The following KASH5 variants were observed in gnomAD, a reference collection of about 807,000 sequenced individuals.
The protein encoded by KASH5 is protein KASH5.
Under a neutral mutation model 84.2 loss-of-function variants are expected in KASH5, and 72 were observed. The ratio of observed to expected loss-of-function variants is 0.85; its 90% CI spans 0.71 to 1.04. The LOEUF (loss-of-function observed/expected upper bound fraction) is 1.04. Ranked by LOEUF, KASH5 falls within the 50% of genes least tolerant of loss-of-function variation. The pLI, the probability that KASH5 is intolerant of heterozygous loss-of-function variation, is 0.00. For missense variants in KASH5, 650 were observed against 701.0 expected (o/e 0.93, Z 0.82); for synonymous variants, 260 against 279.1 (o/e 0.93, Z 0.68).
At chr19:49,407,432 G>A (rs754387518) in intron 11 of KASH5, 136 bp downstream of exon 11, 1 of 1,137,420 alleles carries the variant, frequency 8.8e-7, no homozygotes, top group Non-Finnish European at 1.3e-6. Context: ...GTTTCCCCAG[G>A]TCCCAAGTGT....
chr19:49,396,533 C>T (rs1000409938), intron 5 of KASH5, among the ~76,000 whole-genome samples: 1 of 152,162 alleles, frequency 6.6e-6, no homozygotes, highest in African/African-American at 2.4e-5. Flanking sequence ...GGATTACAGG[C>T]GTGAGCCACT....
At chr19:49,415,822 C>T (rs760387331) in intron 17 of KASH5, among the ~76,000 whole-genome samples, 10 of 152,232 alleles carry the variant, frequency 6.6e-5, no homozygotes, top group Non-Finnish European at 1.3e-4. Context: ...CTGCCTGGCA[C>T]AGCAGGTGGT....
At position 49,399,103 on chromosome 19, in the gene KASH5, G is replaced by A; in HGVS notation, c.708G>A (p.Glu236=). ...TGAAGACTCTGGCCAGGAGCCTGGA[G>A]GAACAGAATCGCAGCCTTCTGGCCC... The part of the protein sequence containing the change: ...EDLKTLARSL[E]EQNRSLLAQA... The change falls in exon 8 of 20, where the codon GAG becomes GAA. Residue 236 remains glutamate (E), a synonymous_variant. Transcript: ENST00000447857. The surrounding 1 kb of genome is among the most constrained non-coding windows in gnomAD (Gnocchi z 4.4). The A allele has an allele frequency of 6.4e-7, 1 of 1,551,686 alleles. No individual in the cohort carries two copies. The highest frequency in any genetic ancestry group is 1.2e-5 in the South Asian group (1 of 84,058).
Position 49,395,864 on chromosome 19 carries a change from C to G in KASH5, c.400+31C>G, listed in dbSNP as rs962272640. 1.3e-6 allele frequency: 2 copies of G among 1,536,516 alleles called. No individual in the cohort carries two copies. Among genetic ancestry groups the G allele is most frequent in the African/African-American group, 2.7e-5 (2 of 72,868 alleles). ...ATTGCTATATATAGAATGAAGCAGG[C>G]AGGCCCTGGGTCAGACAGTGTGGGG... On this transcript the variant is annotated intron_variant, in intron 5 of 19. Coordinates refer to ENST00000447857, the MANE Select transcript of KASH5 (RefSeq NM_144688.5). The surrounding 1 kb of genome is among the most constrained non-coding windows in gnomAD (Gnocchi z 4.4).
intron 2 of KASH5, 25 bp from the exon 3 acceptor site, chr19:49,394,451 G>C: frequency 1.3e-6 from 2 of 1,585,386 alleles, no homozygotes; most frequent in Non-Finnish European, 1.7e-6. Context: ...TCCCACTGGT[G>C]AGCTGAGCCC....
rs1284389106 is a variant in KASH5, at chr19:49,409,298, C to T, written c.1146+15C>T. 1 of 1,612,106 alleles carries T rather than the reference C, an allele frequency of 6.2e-7. No homozygotes were observed. Among genetic ancestry groups the T allele is most frequent in the African/African-American group, 1.3e-5 (1 of 74,910 alleles). Reference sequence around the variant, plus strand: ...CCATTCGACAGGTGGGCCTAACACCCCTGGAATAAGCTGCAGGCCACCAAG... The same window carrying T: ...CCATTCGACAGGTGGGCCTAACACCTCTGGAATAAGCTGCAGGCCACCAAG... On this transcript the variant is annotated intron_variant, in intron 14 of 19. Coordinates refer to ENST00000447857, the MANE Select transcript of KASH5 (RefSeq NM_144688.5).
chr19:49,398,967 C>T, intron 7 of KASH5, 58 bp from the exon 8 acceptor site: 1 of 1,314,384 alleles, frequency 7.6e-7, no homozygotes. Context: ...GGATCTGTCT[C>T]TGTGCTTCTC....
chr19:49,408,846 G>A, intron 12 of KASH5, 121 bp from the exon 13 acceptor site: 1 of 897,322 alleles, frequency 1.1e-6, no homozygotes, highest in Non-Finnish European at 1.8e-6. Flanking sequence ...TAGGCAGTAT[G>A]TGTCTGGGGA....
At chr19:49,390,338 G>A (rs1204875070) in intron 1 of KASH5, 2 of 153,680 alleles carry the variant, frequency 1.3e-5, no homozygotes, top group African/African-American at 4.8e-5. Context: ...GGGGTGCTGA[G>A]GTGGGCGGTC....
At chr19:49,401,778 A>T (rs1377446830) in intron 9 of KASH5, among the ~76,000 whole-genome samples, 1 of 152,170 alleles carries the variant, frequency 6.6e-6, no homozygotes, top group Non-Finnish European at 1.5e-5. Context: ...TTTGTCCTAC[A>T]TGTGCAGTGT....
Position 49,399,681 on chromosome 19 carries a change from C to A in KASH5, c.798+174C>A, listed in dbSNP as rs556622940. ...ACACTGTGAGAACAGCCGTGGTTTA[C>A]AAGAGTGTGAGGCATGGGGTCAGCC... On this transcript the variant is annotated intron_variant, in intron 9 of 19. Coordinates refer to ENST00000447857, the MANE Select transcript of KASH5 (RefSeq NM_144688.5). The surrounding 1 kb of genome is among the most constrained non-coding windows in gnomAD (Gnocchi z 4.4). 4 of 1,473,026 alleles carry A rather than the reference C, an allele frequency of 2.7e-6. No homozygotes were observed. The East Asian group carries it at 1.0e-4, about 37-fold the overall frequency. 91.2% of individuals were successfully genotyped at this position (1,473,026 alleles called of 1,614,324 possible). A position where few individuals can be genotyped will look rare whatever the true frequency, so the allele number is the denominator to read the frequency against.
intron 9 of KASH5, among the ~76,000 whole-genome samples, chr19:49,405,101 G>C (rs1026225471): frequency 1.3e-5 from 2 of 152,124 alleles, no homozygotes; most frequent in African/African-American, 4.8e-5. Flanking sequence ...AAGCAATGAT[G>C]GACCTTGTTT....
intron 9 of KASH5, 139 bp from the exon 10 acceptor site, chr19:49,406,747 G>A (rs1974538804): frequency 4.1e-6 from 3 of 727,238 alleles, no homozygotes; most frequent in South Asian, 3.5e-5. Context: ...AATGGTTGGA[G>A]GAATTAAATG....
chr19:49,398,372 CTT>C (rs764459352), intron 7 of KASH5, among the ~76,000 whole-genome samples: 19 of 142,922 alleles, frequency 1.3e-4, no homozygotes, highest in Admixed American at 1.4e-4. Flanking sequence ...CTCTCTCTCT[CTT>C]TTTTTTTTTT....
chr19:49,394,402 G>A (rs1974105381), intron 2 of KASH5, 74 bp from the exon 3 acceptor site: 1 of 1,153,896 alleles, frequency 8.7e-7, no homozygotes, highest in Non-Finnish European at 1.3e-6. Context: ...AGCCCAGGAG[G>A]CTGAGGACCT....
At chr19:49,411,959 GGAAGGAAGGAAGGAAAGA>G (rs1974731026) in intron 15 of KASH5, among the ~76,000 whole-genome samples, 5 of 142,300 alleles carry the variant, frequency 3.5e-5, no homozygotes, top group African/African-American at 1.4e-4. Flanking sequence ...AAGGAAGGAA[GGAAGGAAGGAAGGAAAGA>G]AGGAAGCCAG....
At position 49,412,922 on chromosome 19, in the gene KASH5, TTGAG is replaced by T. The variant is rs1452462715; in HGVS notation, c.1270-41_1270-38del. On this transcript the variant is annotated intron_variant, in intron 15 of 19. Coordinates refer to ENST00000447857, the MANE Select transcript of KASH5 (RefSeq NM_144688.5). The surrounding 1 kb of genome is among the most constrained non-coding windows in gnomAD (Gnocchi z 4.6). ...AGTGGGCACTGTTAGGGTTGGAGCTTTGAGTGAGAAGAATCAGAGAAGAACTAAC... is the reference window on the plus strand; with the variant it reads ...AGTGGGCACTGTTAGGGTTGGAGCTTTGAGAAGAATCAGAGAAGAACTAAC... 3 of 1,602,408 alleles carry T rather than the reference TTGAG, an allele frequency of 1.9e-6. No individual in the cohort carries two copies. The highest frequency in any genetic ancestry group is 2.7e-5 in the African/African-American group (2 of 74,612).
At chr19:49,391,106 G>A (rs1230499778) in intron 2 of KASH5, among the ~76,000 whole-genome samples, 180 bp downstream of exon 2, 6 of 152,082 alleles carry the variant, frequency 3.9e-5, no homozygotes, top group African/African-American at 9.7e-5. Context: ...CTCTATGCCC[G>A]CCCACCTGTC....
At position 49,399,986 on chromosome 19, in the gene KASH5, C is replaced by T. The variant is rs1356173040; in HGVS notation, c.798+479C>T. Among the ~76,000 whole-genome samples the T allele has an allele frequency of 2.6e-5, 4 of 152,078 alleles. No homozygotes were observed. On this transcript the variant is annotated intron_variant, in intron 9 of 19. Transcript: ENST00000447857. This position sits in a 1 kb window ranked among gnomAD's most constrained non-coding sequence, Gnocchi z 4.4. ...GCTCATGCCTGGAATCCCAGCACTT[C>T]GGGAGGCCTAGCTGGGTGGACCCCT...
Sources: gnomAD v4.1 joint callset for allele counts (sites outside exome capture counted in the v4.1 genomes callset) on GRCh38, gnomAD v4.1.1 for gene constraint, Gnocchi (gnomAD v3.1) non-coding constraint, MANE v1.5 for transcripts, NCBI Gene and HGNC (gene_info 2026-07-23, HGNC 2026-07-21) for gene names.